RBFOX1: variants seen among roughly 807,000 people sequenced by gnomAD.
RBFOX1 encodes the protein RNA binding fox-1 homolog 1.
In RBFOX1, 8 loss-of-function variants were observed where a neutral mutation model predicts 57.7. The observed-to-expected ratio is 0.14, with a 90% CI of 0.08 to 0.25. The LOEUF (loss-of-function observed/expected upper bound fraction) is 0.25. Among genes scored for constraint, RBFOX1 ranks in the 10% least tolerant of loss-of-function variants. RBFOX1 has a pLI of 1.00. For synonymous variants in RBFOX1, 326 were observed against 222.4 expected, an observed-to-expected ratio of 1.47 and a Z score of -4.15; for missense variants, 611 against 548.5, an observed-to-expected ratio of 1.11 and a Z score of -1.14.
intron 4 of RBFOX1, among the ~76,000 whole-genome samples, chr16:7,321,281 A>C (rs1161717625): frequency 3.3e-5 from 5 of 152,036 alleles, no homozygotes; most frequent in African/African-American, 1.2e-4. Context: ...AGTAGCTGGG[A>C]TTACAGGTGT....
At chr16:7,227,187 A>G (rs577844442) in intron 4 of RBFOX1, among the ~76,000 whole-genome samples, 30 of 152,012 alleles carry the variant, frequency 2.0e-4, no homozygotes, top group East Asian at 1.9e-4. Context: ...AGCCTATGCA[A>G]TGTGTCATTC....
chr16:6,547,599 A>G (rs2096914092), intron 2 of RBFOX1, among the ~76,000 whole-genome samples: 1 of 152,026 alleles, frequency 6.6e-6, no homozygotes, highest in Non-Finnish European at 1.5e-5. Context: ...CTGTCTCCTG[A>G]GGGAGGGGAA....
intron 3 of RBFOX1, among the ~76,000 whole-genome samples, chr16:6,934,050 C>G (rs952181955): frequency 6.6e-6 from 1 of 152,144 alleles, no homozygotes; most frequent in Non-Finnish European, 1.5e-5. Flanking sequence ...GAGCTGCTGT[C>G]CGAGAGGCCT....
intron 3 of RBFOX1, among the ~76,000 whole-genome samples, chr16:6,677,150 T>C (rs2057869659): frequency 6.6e-6 from 1 of 152,208 alleles, no homozygotes; most frequent in African/African-American, 2.4e-5. Flanking sequence ...GATGATGAAA[T>C]AGAATTCCAA....
At chr16:6,126,610 A>G (rs73527952) in intron 1 of RBFOX1, among the ~76,000 whole-genome samples, 2,067 of 152,292 alleles carry the variant, frequency 0.014, 46 homozygotes, top group African/African-American at 0.047. Context: ...GCATGCTACC[A>G]GGTCAGGTAT....
In RBFOX1 at chr16:5,655,251, C is replaced by A. The variant is rs369560317; in HGVS notation, c.318+56290C>A. 4.6e-5 allele frequency among the ~76,000 whole-genome samples: 7 copies of A among 152,290 alleles called. No individual in the cohort carries two copies. In the South Asian group the frequency reaches 8.3e-4, roughly 18 times the overall value. ...TTGTGATAATATGTGAGGAGAAGGACTGTGGGCAGGAAACATGTTCTATGA... is the reference window on the plus strand; with the variant it reads ...TTGTGATAATATGTGAGGAGAAGGAATGTGGGCAGGAAACATGTTCTATGA... On this transcript the variant is annotated intron_variant, in intron 3 of 19. Coordinates refer to the RBFOX1 transcript ENST00000641259.
At chr16:7,184,341 A>G (rs776770662) in intron 4 of RBFOX1, among the ~76,000 whole-genome samples, 25 of 152,222 alleles carry the variant, frequency 1.6e-4, no homozygotes, top group Non-Finnish European at 3.2e-4. Flanking sequence ...TCTGTTCCTT[A>G]GCTGAAGAGA....
At chr16:7,703,954 G>C (rs1275131116) in intron 14 of RBFOX1, among the ~76,000 whole-genome samples, 1 of 152,188 alleles carries the variant, frequency 6.6e-6, no homozygotes, top group African/African-American at 2.4e-5. Flanking sequence ...AGATTGGTTT[G>C]TGAAATACAA....
intron 1 of RBFOX1, among the ~76,000 whole-genome samples, chr16:6,046,414 G>C (rs1027715167): frequency 1.3e-5 from 2 of 152,134 alleles, no homozygotes; most frequent in Non-Finnish European, 2.9e-5. Context: ...AGACCCCAGG[G>C]CTCCATTTTA....
intron 4 of RBFOX1, among the ~76,000 whole-genome samples, chr16:7,228,461 C>T (rs1342835298): frequency 2.0e-5 from 3 of 152,112 alleles, no homozygotes; most frequent in African/African-American, 2.4e-5. Context: ...TGTGGCTATT[C>T]TAAATAGGTG....
intron 2 of RBFOX1, among the ~76,000 whole-genome samples, chr16:5,581,791 G>C (rs150734881): frequency 8.6e-5 from 13 of 151,906 alleles, no homozygotes; most frequent in African/African-American, 2.9e-4. Flanking sequence ...AGGGAGGAGC[G>C]AGTGGGAGGC....
chr16:6,597,481 G>A (rs190253216), intron 2 of RBFOX1, among the ~76,000 whole-genome samples: 7 of 152,172 alleles, frequency 4.6e-5, no homozygotes, highest in African/African-American at 1.7e-4. Flanking sequence ...AGACCACCCT[G>A]ACCAACATGG....
chr16:6,063,801 C>G (rs1217563243), intron 1 of RBFOX1, among the ~76,000 whole-genome samples: 2 of 152,144 alleles, frequency 1.3e-5, no homozygotes, highest in African/African-American at 4.8e-5. Context: ...TTGATTCATT[C>G]CATTAGGTGG....
chr16:7,334,941 G>C (rs1043703265), intron 4 of RBFOX1, among the ~76,000 whole-genome samples: 5 of 152,192 alleles, frequency 3.3e-5, no homozygotes, highest in Admixed American at 3.3e-4. Flanking sequence ...GTTTAGTGAG[G>C]AGCCTCTAGA....
chr16:5,780,001 G>A (rs1027100198), intron 3 of RBFOX1, among the ~76,000 whole-genome samples: 1 of 152,184 alleles, frequency 6.6e-6, no homozygotes, highest in African/African-American at 2.4e-5. Context: ...AAGCATGTTT[G>A]CTATTATTAT....
intron 2 of RBFOX1, among the ~76,000 whole-genome samples, chr16:6,646,138 A>G (rs1297023825): frequency 6.6e-6 from 1 of 152,072 alleles, no homozygotes; most frequent in Non-Finnish European, 1.5e-5. Flanking sequence ...GAAGTGGTCG[A>G]GTGGGGCTGA....
chr16:7,326,304 C>A (rs1311255103), intron 4 of RBFOX1, among the ~76,000 whole-genome samples: 2 of 152,042 alleles, frequency 1.3e-5, no homozygotes, highest in Non-Finnish European at 2.9e-5. Context: ...GAATCTCAGC[C>A]CCATAGATCA....
intron 3 of RBFOX1, among the ~76,000 whole-genome samples, chr16:6,764,819 C>A (rs1296693670): frequency 6.6e-6 from 1 of 152,022 alleles, no homozygotes; most frequent in Non-Finnish European, 1.5e-5. Flanking sequence ...TGCCTGTAAT[C>A]CTAGCTACTC....
intron 3 of RBFOX1, among the ~76,000 whole-genome samples, chr16:6,676,263 G>A (rs1025196165): frequency 2.6e-5 from 4 of 152,022 alleles, no homozygotes; most frequent in East Asian, 3.9e-4. Flanking sequence ...TTCGGAGGAA[G>A]GCCTTCCATG....
Sources: allele counts gnomAD v4.1 joint callset (sites outside exome capture counted in the v4.1 genomes callset), GRCh38; gene constraint gnomAD v4.1.1; transcripts MANE v1.5; gene names NCBI Gene and HGNC (gene_info 2026-07-23, HGNC 2026-07-21).